AFF3: variants seen among roughly 807,000 people sequenced by gnomAD.
The protein encoded by AFF3 is ALF transcription elongation factor 3, also known as AF4/FMR2 family member 3.
Under a neutral mutation model 129.7 loss-of-function variants are expected in AFF3, and 32 were observed. The observed-to-expected ratio is 0.25, with a 90% CI of 0.19 to 0.33. The LOEUF (loss-of-function observed/expected upper bound fraction) is 0.33, where lower values mean the gene tolerates loss of function less well. Among genes scored for constraint, AFF3 ranks in the 10% least tolerant of loss-of-function variants. The pLI, the probability that AFF3 is intolerant of heterozygous loss-of-function variation, is 1.00. For synonymous variants in AFF3, 644 were observed against 635.4 expected, an observed-to-expected ratio of 1.01 and a Z score of -0.20; for missense variants, 1,373 against 1,592.0, an observed-to-expected ratio of 0.86 and a Z score of 2.34.
chr2:99,806,292 T>A (rs1232201757), intron 8 of AFF3, among the ~76,000 whole-genome samples: 1 of 152,208 alleles, frequency 6.6e-6, no homozygotes, highest in African/African-American at 2.4e-5. Flanking sequence ...TGAGCTTCTG[T>A]CTACTACATG....
intron 7 of AFF3, among the ~76,000 whole-genome samples, chr2:99,973,109 C>T (rs1678550353): frequency 6.6e-6 from 1 of 152,172 alleles, no homozygotes; most frequent in South Asian, 2.1e-4. Flanking sequence ...CCTGGTTTAC[C>T]TTGTGTCATT....
intron 7 of AFF3, among the ~76,000 whole-genome samples, chr2:99,953,406 A>G (rs1324201405): frequency 6.6e-6 from 1 of 152,210 alleles, no homozygotes; most frequent in Non-Finnish European, 1.5e-5. Context: ...TCACCCCAAC[A>G]CTCACAAATG....
chr2:99,961,270 T>G (rs183688198), intron 7 of AFF3, among the ~76,000 whole-genome samples: 113 of 152,342 alleles, frequency 7.4e-4, no homozygotes, highest in African/African-American at 2.6e-3. Flanking sequence ...TGTTCCGTTC[T>G]ACCAGCTAGA....
chr2:99,753,518 T>C (rs1000187559), intron 8 of AFF3, among the ~76,000 whole-genome samples: 4 of 152,150 alleles, frequency 2.6e-5, no homozygotes, highest in Non-Finnish European at 5.9e-5. Context: ...TTTCCTTACC[T>C]CCCTTTGGCG....
intron 11 of AFF3, among the ~76,000 whole-genome samples, chr2:99,673,191 G>C (rs1188313310): frequency 6.6e-6 from 1 of 152,016 alleles, no homozygotes; most frequent in Non-Finnish European, 1.5e-5. Flanking sequence ...GGTAAAGAGA[G>C]ATGAGAAAAA....
chr2:99,577,354 G>A (rs1245433528), intron 18 of AFF3, among the ~76,000 whole-genome samples: 1 of 152,160 alleles, frequency 6.6e-6, no homozygotes, highest in Non-Finnish European at 1.5e-5. Context: ...TGCTCCATGT[G>A]ACACCCCTTA....
intron 8 of AFF3, among the ~76,000 whole-genome samples, chr2:99,795,160 G>A (rs2105468536): frequency 6.6e-6 from 1 of 152,160 alleles, no homozygotes; most frequent in Admixed American, 6.5e-5. Flanking sequence ...CAGAGAAAAA[G>A]TAGTGTGCAT....
chr2:100,095,695 C>T (rs1335230518), intron 4 of AFF3, among the ~76,000 whole-genome samples: 1 of 152,132 alleles, frequency 6.6e-6, no homozygotes, highest in Non-Finnish European at 1.5e-5. Flanking sequence ...CTTATGTGCA[C>T]GCACACACCC....
In AFF3 at chr2:99,601,498, C is replaced by G. The variant is rs202019958; in HGVS notation, c.1308G>C (p.Ser436=). Residue 436 remains serine, a synonymous_variant, in exon 14 of 25, where the codon TCG becomes TCC. Coordinates refer to ENST00000672756, the MANE Select transcript of AFF3 (RefSeq NM_001386135.1). The part of the protein sequence containing the change: ...SDSESSSGSD[S]ETESSSSESE... ...TCTCGCTGGAGCTGCTCTCGGTCTC[C>G]GAGTCAGATCCGGAGCTGCTCTCTG... 6.2e-7 allele frequency: 1 copy of G among 1,608,406 alleles called. No homozygotes were observed. Among genetic ancestry groups the G allele is most frequent in the East Asian group, 2.2e-5 (1 of 44,692 alleles).
intron 7 of AFF3, among the ~76,000 whole-genome samples, chr2:99,996,622 C>T (rs1468378519): frequency 2.7e-5 from 4 of 150,618 alleles, no homozygotes; most frequent in African/African-American, 9.8e-5. Flanking sequence ...CCTTGTGATC[C>T]GCCCGCCTCA....
At chr2:99,691,464 T>C (rs371069161) in intron 11 of AFF3, among the ~76,000 whole-genome samples, 4 of 152,192 alleles carry the variant, frequency 2.6e-5, no homozygotes, top group Admixed American at 6.5e-5. Context: ...CTTGCTTTCT[T>C]AGAGCTGCCT....
At chr2:99,613,415 T>C (rs1418620987) in intron 13 of AFF3, among the ~76,000 whole-genome samples, 1 of 152,212 alleles carries the variant, frequency 6.6e-6, no homozygotes. Context: ...CACAATTTAT[T>C]ATTTGGTTAT....
At chr2:99,637,094 G>A (rs931412730) in intron 13 of AFF3, among the ~76,000 whole-genome samples, 1 of 152,236 alleles carries the variant, frequency 6.6e-6, no homozygotes, top group Non-Finnish European at 1.5e-5. Flanking sequence ...GGAGTGGGTA[G>A]AGGGTGCTGG....
intron 1 of AFF3, among the ~76,000 whole-genome samples, chr2:100,130,434 C>G (rs562746652): frequency 6.6e-6 from 1 of 152,128 alleles, no homozygotes; most frequent in Non-Finnish European, 1.5e-5. Flanking sequence ...GCACAGGGCT[C>G]GATGAGATGC....
intron 2 of AFF3, among the ~76,000 whole-genome samples, chr2:100,126,537 C>T (rs183303871): frequency 3.4e-4 from 51 of 152,234 alleles, no homozygotes; most frequent in African/African-American, 1.1e-3. Context: ...GTTAGTGCAT[C>T]GAAGCAGTAA....
intron 13 of AFF3, among the ~76,000 whole-genome samples, chr2:99,604,875 G>C (rs1680176448): frequency 6.6e-6 from 1 of 152,200 alleles, no homozygotes; most frequent in Non-Finnish European, 1.5e-5. Flanking sequence ...GGACATCATA[G>C]AAAACCAATC....
chr2:99,686,530 G>A (rs1575693530), intron 11 of AFF3, among the ~76,000 whole-genome samples: 2 of 152,138 alleles, frequency 1.3e-5, no homozygotes, highest in African/African-American at 4.8e-5. Context: ...TTAGTTGTGA[G>A]CCAGCCATAT....
intron 8 of AFF3, among the ~76,000 whole-genome samples, chr2:99,779,919 A>T (rs1176257866): frequency 1.3e-5 from 2 of 152,230 alleles, no homozygotes; most frequent in African/African-American, 4.8e-5. Flanking sequence ...CTAAATAGTC[A>T]CATGCACGGA....
intron 7 of AFF3, among the ~76,000 whole-genome samples, chr2:99,945,326 C>A (rs1675455038): frequency 6.6e-6 from 1 of 152,212 alleles, no homozygotes; most frequent in African/African-American, 2.4e-5. Flanking sequence ...AGTTTTTACA[C>A]TTTCCTTGAA....
Sources: gnomAD v4.1 joint callset for allele counts (sites outside exome capture counted in the v4.1 genomes callset) on GRCh38, gnomAD v4.1.1 for gene constraint, MANE v1.5 for transcripts, NCBI Gene and HGNC (gene_info 2026-07-23, HGNC 2026-07-21) for gene names.